KCNT2: variants seen among roughly 807,000 people sequenced by gnomAD.
KCNT2 encodes potassium sodium-activated channel subfamily T member 2, also known as potassium channel subfamily T member 2.
A neutral mutation model predicts 153.8 loss-of-function variants in KCNT2; 67 were observed. That is an observed-to-expected ratio of 0.44 (90% CI 0.36 to 0.53). The LOEUF (loss-of-function observed/expected upper bound fraction) is 0.53, where lower values mean the gene tolerates loss of function less well. KCNT2 is among the 20% of genes least tolerant of loss of function. The pLI is 0.00. For synonymous variants in KCNT2, 500 were observed against 458.8 expected, an observed-to-expected ratio of 1.09 and a Z score of -1.15; for missense variants, 975 against 1,354.8, an observed-to-expected ratio of 0.72 and a Z score of 4.40.
At chr1:196,490,291 A>G (rs956710818) in intron 2 of KCNT2, among the ~76,000 whole-genome samples, 6 of 151,668 alleles carry the variant, frequency 4.0e-5, no homozygotes, top group African/African-American at 1.4e-4. Flanking sequence ...TTTTGGGATA[A>G]ACTTTGGCTA....
intron 13 of KCNT2, among the ~76,000 whole-genome samples, chr1:196,387,899 A>G (rs2148399197): frequency 6.6e-6 from 1 of 151,198 alleles, no homozygotes; most frequent in Admixed American, 6.6e-5. Context: ...TGAAGAGTGG[A>G]AGGTTTAATT....
intron 21 of KCNT2, among the ~76,000 whole-genome samples, 197 bp downstream of exon 21, chr1:196,315,695 C>G (rs74136511): frequency 0.02 from 3,078 of 151,728 alleles, 88 homozygotes; most frequent in African/African-American, 0.07. Context: ...TTATGAGAAG[C>G]ATTACTGATC....
chr1:196,334,519 G>T (rs1267313292), intron 16 of KCNT2, among the ~76,000 whole-genome samples: 3 of 46,184 alleles, frequency 6.5e-5, no homozygotes, highest in African/African-American at 8.3e-5. Flanking sequence ...TCTCGCTCCA[G>T]GCTGGAGTGC....
At chr1:196,412,178 T>A (rs985945965) in intron 12 of KCNT2, among the ~76,000 whole-genome samples, 3 of 151,782 alleles carry the variant, frequency 2.0e-5, no homozygotes, top group African/African-American at 7.2e-5. Flanking sequence ...ACATTTCATA[T>A]GATCTCTCCC....
chr1:196,408,638 C>T (rs893491485), intron 12 of KCNT2, among the ~76,000 whole-genome samples: 3 of 151,432 alleles, frequency 2.0e-5, no homozygotes, highest in Admixed American at 1.3e-4. Context: ...TTATCTTTTA[C>T]CCATGGGTTA....
chr1:196,563,288 G>A (rs890875058), intron 1 of KCNT2, among the ~76,000 whole-genome samples: 1 of 151,608 alleles, frequency 6.6e-6, no homozygotes, highest in African/African-American at 2.4e-5. Context: ...CACTAGTAAT[G>A]AAGAAATACC....
At chr1:196,327,217 A>T (rs1663949549) in intron 18 of KCNT2, among the ~76,000 whole-genome samples, 2 of 152,180 alleles carry the variant, frequency 1.3e-5, no homozygotes, top group South Asian at 4.1e-4. Context: ...ATTTTCTCTG[A>T]CTTTCATTTC....
At chr1:196,263,753 A>G (rs1657251183) in intron 25 of KCNT2, among the ~76,000 whole-genome samples, 1 of 152,182 alleles carries the variant, frequency 6.6e-6, no homozygotes, top group African/African-American at 2.4e-5. Context: ...TTTCACTACT[A>G]TCAAACGAAG....
intron 26 of KCNT2, among the ~76,000 whole-genome samples, chr1:196,243,542 GA>G (rs1295893130): frequency 1.3e-5 from 2 of 152,154 alleles, no homozygotes; most frequent in East Asian, 3.9e-4. Flanking sequence ...GGGGAATGGA[GA>G]ACACAGTGAC....
intron 1 of KCNT2, among the ~76,000 whole-genome samples, chr1:196,493,985 G>A: frequency 6.6e-6 from 1 of 152,260 alleles, no homozygotes; most frequent in Middle Eastern, 3.4e-3. Context: ...TTCTAAAGAA[G>A]CCACTAAAAT....
chr1:196,474,243 A>G (rs901998864), intron 5 of KCNT2, among the ~76,000 whole-genome samples: 1 of 152,176 alleles, frequency 6.6e-6, no homozygotes. Context: ...TTTAAAAATT[A>G]TATTAGTTAT....
chr1:196,428,326 A>G, intron 9 of KCNT2, 57 bp from the exon 10 acceptor site: 2 of 1,190,354 alleles, frequency 1.7e-6, no homozygotes, highest in Non-Finnish European at 2.5e-6. Flanking sequence ...AAATAAATCA[A>G]TGCAATACAT....
intron 26 of KCNT2, among the ~76,000 whole-genome samples, chr1:196,244,328 A>G (rs1655228922): frequency 6.6e-6 from 1 of 152,064 alleles, no homozygotes; most frequent in African/African-American, 2.4e-5. Context: ...GGAAGAGTAA[A>G]GGGGACTTTG....
chr1:196,503,756 G>T (rs576193097), intron 1 of KCNT2, among the ~76,000 whole-genome samples: 11 of 152,262 alleles, frequency 7.2e-5, no homozygotes, highest in African/African-American at 2.4e-4. Flanking sequence ...ACACTAACAT[G>T]CAGTGAAGGA....
At chr1:196,278,209 A>G (rs1001800587) in intron 25 of KCNT2, among the ~76,000 whole-genome samples, 2 of 152,194 alleles carry the variant, frequency 1.3e-5, no homozygotes, top group African/African-American at 4.8e-5. Context: ...AATAGAAGTC[A>G]GGCTCAACTG....
Position 196,302,751 on chromosome 1 carries a change from C to T in KCNT2, c.2595+2483G>A, listed in dbSNP as rs1571967839. ...ACAACTTTTTTTTTTTTGGATGGGG[C>T]ATGAGATTCAACCCACGAGACTATA... On this transcript the variant is annotated intron_variant, in intron 22 of 27. Transcript: ENST00000294725. 2.0e-5 allele frequency among the ~76,000 whole-genome samples: 3 copies of T among 151,518 alleles called. No homozygotes were observed. The East Asian group carries it at 5.9e-4, about 30-fold the overall frequency.
At chr1:196,274,387 C>A (rs900121344) in intron 25 of KCNT2, among the ~76,000 whole-genome samples, 1 of 151,448 alleles carries the variant, frequency 6.6e-6, no homozygotes, top group Non-Finnish European at 1.5e-5. Context: ...ATAAGAAATG[C>A]ATAATAAACA....
At position 196,338,069 on chromosome 1, in the gene KCNT2, G is replaced by A. The variant is rs569963143; in HGVS notation, c.1783+2272C>T. Reference sequence around the variant, plus strand: ...TTTGAAGACATTAAAAATGAATATTGCTACTGTAGAATAAAAATAAGTAAA... The same window carrying A: ...TTTGAAGACATTAAAAATGAATATTACTACTGTAGAATAAAAATAAGTAAA... On this transcript the variant is annotated intron_variant, in intron 16 of 27. Coordinates refer to ENST00000294725, the MANE Select transcript of KCNT2 (RefSeq NM_198503.5). Among the ~76,000 whole-genome samples the A allele has an allele frequency of 7.2e-5, 11 of 152,128 alleles. No individual in the cohort carries two copies. The South Asian group carries it at 1.5e-3, about 20-fold the overall frequency.
chr1:196,236,691 A>G (rs1654472802), intron 26 of KCNT2, among the ~76,000 whole-genome samples: 1 of 151,450 alleles, frequency 6.6e-6, no homozygotes, highest in South Asian at 2.1e-4. Context: ...TCCTAAAGCA[A>G]TATATATATG....
Sources: allele counts gnomAD v4.1 joint callset (sites outside exome capture counted in the v4.1 genomes callset), GRCh38; gene constraint gnomAD v4.1.1; transcripts MANE v1.5; gene names NCBI Gene and HGNC (gene_info 2026-07-23, HGNC 2026-07-21).